TNC: variants seen among roughly 807,000 people sequenced by gnomAD.
The protein encoded by TNC is tenascin C, also known as tenascin.
Under a neutral mutation model 202.4 loss-of-function variants are expected in TNC, and 109 were observed. That is an observed-to-expected ratio of 0.54 (90% CI 0.46 to 0.63). The LOEUF is 0.63. Ranked by LOEUF, TNC falls within the 30% of genes least tolerant of loss-of-function variation. TNC has a pLI of 0.00. For synonymous variants in TNC, 1,007 were observed against 1,089.7 expected, an observed-to-expected ratio of 0.92 and a Z score of 1.50; for missense variants, 2,756 against 2,833.3, an observed-to-expected ratio of 0.97 and a Z score of 0.62.
intron 17 of TNC, among the ~76,000 whole-genome samples, chr9:115,042,832 C>T (rs1357083806): frequency 3.3e-5 from 5 of 152,188 alleles, no homozygotes; most frequent in Non-Finnish European, 1.5e-5. Context: ...CTTCCATGAA[C>T]ATTCTTGTGA....
At chr9:115,048,649 T>C (rs190145097) in intron 15 of TNC, 117 bp from the exon 16 acceptor site, 3 of 1,091,786 alleles carry the variant, frequency 2.7e-6, no homozygotes, top group African/African-American at 1.6e-5. Context: ...TTGTGTTATA[T>C]GCTTAGAAAA....
rs143586851 is a variant in TNC at position 115,090,904 on chromosome 9, C to A, written c.115G>T (p.Ala39Ser). The change falls in exon 2 of 28, where the codon GCC becomes TCC. Residue 39 changes from alanine (A) to serine (S), a missense_variant. Coordinates refer to ENST00000350763, the MANE Select transcript of TNC (RefSeq NM_002160.4). Reference protein sequence around the residue: ...IRHKRQSGVNATLPEENQPVV... With the variant: ...IRHKRQSGVNSTLPEENQPVV... ...GGCTGGTTCTCTTCTGGCAGGGTGG[C>A]GTTCACCCCACTCTGTCGCTTGTGC... 10 of 1,613,998 alleles carry A rather than the reference C, an allele frequency of 6.2e-6. No homozygotes were observed. The highest frequency in any genetic ancestry group is 8.5e-6 in the Non-Finnish European group (10 of 1,180,018).
rs59939445 is a variant in TNC at position 115,106,419 on chromosome 9, A to C, written c.-137+11563T>G. On this transcript the variant is annotated intron_variant, in intron 1 of 27. Transcript: ENST00000350763. ...AAGAATTAATATTTATCTACTAACT[A>C]TCAGAGAGAAACACAATATCATTAA... Among the ~76,000 whole-genome samples, 1,653 of 152,346 alleles carry C rather than the reference A, an allele frequency of 0.011. 60 individuals carry two copies. The East Asian group carries it at 0.11, about 10-fold the overall frequency.
intron 10 of TNC, among the ~76,000 whole-genome samples, chr9:115,067,595 TG>T (rs1833050687): frequency 6.6e-6 from 1 of 152,170 alleles, no homozygotes; most frequent in African/African-American, 2.4e-5. Context: ...TGGCAAAAGA[TG>T]GATGGAGAGA....
rs774431100 is a variant in TNC, at chr9:115,082,763, TCTC to T, written c.2173_2175del (p.Glu725del). 8 of 1,614,040 alleles carry T rather than the reference TCTC, an allele frequency of 5.0e-6. No individual in the cohort carries two copies. Among genetic ancestry groups the T allele is most frequent in the Non-Finnish European group, 6.8e-6 (8 of 1,180,020 alleles). On this transcript the variant is annotated inframe_deletion, in exon 5 of 28. Coordinates refer to ENST00000350763, the MANE Select transcript of TNC (RefSeq NM_002160.4). Reference sequence around the variant, plus strand: ...GGATCCCACTCCACTTCCACAGATGTCTCCTTGATGGACTTGAATTTCAGGCCT... The same window carrying T: ...GGATCCCACTCCACTTCCACAGATGTCTTGATGGACTTGAATTTCAGGCCT...
At chr9:115,038,416 T>G (rs1379805824) in intron 19 of TNC, 36 bp from the exon 20 acceptor site, 2 of 1,609,940 alleles carry the variant, frequency 1.2e-6, no homozygotes, top group African/African-American at 2.7e-5. Context: ...GGGAAGTCAT[T>G]GGGTGGGACA....
intron 15 of TNC, chr9:115,052,603 T>C (rs1831783113): frequency 3.4e-6 from 2 of 591,712 alleles, no homozygotes; most frequent in Admixed American, 6.0e-5. Flanking sequence ...CATAAATATA[T>C]ACAATTACTA....
At chr9:115,112,120 A>G (rs1588248442) in intron 1 of TNC, among the ~76,000 whole-genome samples, 1 of 152,202 alleles carries the variant, frequency 6.6e-6, no homozygotes, top group East Asian at 1.9e-4. Flanking sequence ...TTGAGAGAAT[A>G]AGACTCTGCT....
chr9:115,114,445 A>C (rs1021667387), intron 1 of TNC, among the ~76,000 whole-genome samples: 1 of 152,220 alleles, frequency 6.6e-6, no homozygotes, highest in Non-Finnish European at 1.5e-5. Flanking sequence ...TGAGATGAAA[A>C]TCAGCAGGAG....
At chr9:115,107,429 G>A (rs1836702899) in intron 1 of TNC, among the ~76,000 whole-genome samples, 1 of 152,140 alleles carries the variant, frequency 6.6e-6, no homozygotes. Flanking sequence ...CTTCTATTAT[G>A]AAACTAAATA....
In TNC at chr9:115,045,136, A is replaced by G. The variant is rs999924186; in HGVS notation, c.5125+1274T>C. ...CAGAGTCTTCATGCACAAACAGAAG[A>G]GGTTGAGCTACATCATCTCTCAGGT... On this transcript the variant is annotated intron_variant, in intron 17 of 27. Coordinates refer to ENST00000350763, the MANE Select transcript of TNC (RefSeq NM_002160.4). Among the ~76,000 whole-genome samples the G allele has an allele frequency of 8.7e-4, 132 of 152,246 alleles. 1 individual carries two copies. Among genetic ancestry groups the G allele is most frequent in the African/African-American group, 3.1e-3 (128 of 41,536 alleles).
chr9:115,094,353 T>A (rs907026250), intron 1 of TNC, among the ~76,000 whole-genome samples: 2 of 152,022 alleles, frequency 1.3e-5, no homozygotes, highest in East Asian at 3.9e-4. Context: ...CACTGGTGGG[T>A]GAGGAGGTAA....
chr9:115,112,677 G>A (rs1416617674), intron 1 of TNC: 2 of 152,250 alleles, frequency 1.3e-5, no homozygotes, highest in African/African-American at 2.4e-5. Flanking sequence ...CCACAGTCCT[G>A]GGCATCTCCT....
At chr9:115,067,809 C>T (rs1262649812) in intron 10 of TNC, among the ~76,000 whole-genome samples, 2 of 151,512 alleles carry the variant, frequency 1.3e-5, no homozygotes, top group African/African-American at 4.8e-5. Context: ...GGTACTTCTG[C>T]TAACACTTTT....
intron 9 of TNC, among the ~76,000 whole-genome samples, chr9:115,074,976 G>T (rs1180466926): frequency 1.3e-5 from 2 of 152,046 alleles, no homozygotes; most frequent in Non-Finnish European, 2.9e-5. Flanking sequence ...TCTCACAATT[G>T]CATGTGAATC....
At chr9:115,075,721 G>T (rs747080655) in intron 9 of TNC, among the ~76,000 whole-genome samples, 14 of 152,090 alleles carry the variant, frequency 9.2e-5, no homozygotes, top group Non-Finnish European at 2.1e-4. Context: ...GGAGGCGGAG[G>T]TTGCAGTGAG....
chr9:115,085,416 A>G (rs1380482835), intron 3 of TNC, among the ~76,000 whole-genome samples: 1 of 152,248 alleles, frequency 6.6e-6, no homozygotes, highest in Admixed American at 6.5e-5. Flanking sequence ...TTTTACATCC[A>G]TCCAAATACA....
chr9:115,031,017 T>G (rs1829907193), intron 23 of TNC, among the ~76,000 whole-genome samples: 1 of 152,222 alleles, frequency 6.6e-6, no homozygotes, highest in Non-Finnish European at 1.5e-5. Context: ...GCTTCCCCAC[T>G]AGAACTTTGG....
At chr9:115,060,029 C>A in intron 13 of TNC, 27 bp from the exon 14 acceptor site, 1 of 1,584,244 alleles carries the variant, frequency 6.3e-7, no homozygotes, top group South Asian at 1.1e-5. Flanking sequence ...AAGTATTTGT[C>A]AGTTCTATAA....
Sources: gnomAD v4.1 joint callset for allele counts (sites outside exome capture counted in the v4.1 genomes callset) on GRCh38, gnomAD v4.1.1 for gene constraint, MANE v1.5 for transcripts, NCBI Gene and HGNC (gene_info 2026-07-23, HGNC 2026-07-21) for gene names.